Variants in RGS5 observed in about 807,000 individuals in gnomAD.
RGS5 encodes regulator of G protein signaling 5, also known as regulator of G-protein signalling 5.
Under a neutral mutation model 18.9 loss-of-function variants are expected in RGS5, and 20 were observed. The observed-to-expected ratio is 1.06, with a 90% CI of 0.74 to 1.54. The LOEUF is 1.54. Ranked by LOEUF, RGS5 falls within the 40% of genes most tolerant of loss-of-function variation. The probability of loss-of-function intolerance (pLI) is 0.00; values close to 1 mark genes in which losing one functional copy is unlikely to be tolerated. For missense variants in RGS5, 201 were observed against 211.8 expected (o/e 0.95, Z 0.32); for synonymous variants, 57 against 76.2 (o/e 0.75, Z 1.31).
At chr1:163,302,211 C>T (rs1020303515) in intron 2 of RGS5, among the ~76,000 whole-genome samples, 4 of 151,978 alleles carry the variant, frequency 2.6e-5, no homozygotes, top group African/African-American at 9.7e-5. Flanking sequence ...TTAGTGAGCT[C>T]CCAAAATGTG....
At chr1:163,161,019 G>C (rs772172638) in intron 3 of RGS5, among the ~76,000 whole-genome samples, 1 of 152,168 alleles carries the variant, frequency 6.6e-6, no homozygotes, top group Non-Finnish European at 1.5e-5. Flanking sequence ...TAGAATAAAA[G>C]ATGTGCAGAC....
intron 2 of RGS5, among the ~76,000 whole-genome samples, chr1:163,253,828 CTG>C (rs1304638311): frequency 1.4e-5 from 2 of 147,670 alleles, no homozygotes; most frequent in Non-Finnish European, 3.0e-5. Flanking sequence ...TGTCCCCAGA[CTG>C]TGATGTTCCC....
chr1:163,224,878 T>G (rs1351064023), intron 2 of RGS5, among the ~76,000 whole-genome samples: 1 of 151,428 alleles, frequency 6.6e-6, no homozygotes, highest in Admixed American at 6.6e-5. Context: ...GCCATCAGAC[T>G]TTTTTTTTGT....
chr1:163,315,279 G>A (rs997459642), intron 1 of RGS5, among the ~76,000 whole-genome samples: 2 of 152,122 alleles, frequency 1.3e-5, no homozygotes, highest in African/African-American at 2.4e-5. Context: ...AAGTTAGGCC[G>A]GGTATGTTGG....
chr1:163,296,677 G>A (rs1307979085), intron 2 of RGS5, among the ~76,000 whole-genome samples: 1 of 152,002 alleles, frequency 6.6e-6, no homozygotes, highest in East Asian at 1.9e-4. Flanking sequence ...TTTTCCTTTT[G>A]TTTACATTAA....
chr1:163,178,411 G>T (rs185275780), intron 1 of RGS5, among the ~76,000 whole-genome samples: 42 of 152,158 alleles, frequency 2.8e-4, no homozygotes, highest in Admixed American at 2.0e-3. Context: ...CAGAGGACAG[G>T]GATTTAGGGT....
chr1:163,306,542 T>C (rs1402551084), intron 1 of RGS5, among the ~76,000 whole-genome samples: 1 of 152,224 alleles, frequency 6.6e-6, no homozygotes, highest in African/African-American at 2.4e-5. Flanking sequence ...CTCATGATGC[T>C]GTGAGCCATG....
intron 3 of RGS5, among the ~76,000 whole-genome samples, chr1:163,157,967 C>T (rs1657654997): frequency 6.6e-6 from 1 of 152,140 alleles, no homozygotes; most frequent in African/African-American, 2.4e-5. Flanking sequence ...TATGAGCCAC[C>T]ACACTTGGCC....
At chr1:163,151,529 G>A (rs1657374626) in intron 4 of RGS5, among the ~76,000 whole-genome samples, 1 of 152,128 alleles carries the variant, frequency 6.6e-6, no homozygotes, top group Non-Finnish European at 1.5e-5. Flanking sequence ...CACATGTCAA[G>A]GGCAGGACCA....
chr1:163,264,845 C>A (rs536441487), intron 2 of RGS5, among the ~76,000 whole-genome samples: 1 of 152,196 alleles, frequency 6.6e-6, no homozygotes, highest in East Asian at 1.9e-4. Context: ...CTGATGACTT[C>A]TTTTTCTAGC....
chr1:163,159,711 A>G (rs1218817802), intron 3 of RGS5, among the ~76,000 whole-genome samples: 1 of 152,216 alleles, frequency 6.6e-6, no homozygotes, highest in Non-Finnish European at 1.5e-5. Flanking sequence ...CCCAGGTCTT[A>G]AAAATATTAA....
At chr1:163,184,473 C>A (rs1658988185) in intron 1 of RGS5, among the ~76,000 whole-genome samples, 1 of 150,860 alleles carries the variant, frequency 6.6e-6, no homozygotes, top group Non-Finnish European at 1.5e-5. Flanking sequence ...GAAGAGTTAG[C>A]AAGGCATAGA....
At chr1:163,287,441 C>G (rs956929227) in intron 2 of RGS5, among the ~76,000 whole-genome samples, 2 of 152,178 alleles carry the variant, frequency 1.3e-5, no homozygotes, top group African/African-American at 4.8e-5. Flanking sequence ...TCACCATGAG[C>G]TTTTAGGACC....
Position 163,240,483 on chromosome 1 carries a change from G to A in RGS5, c.-281+65750C>T, listed in dbSNP as rs1449954825. ...CAGGAGGCAGGGTGGAGATTGACTG[G>A]AAGTGGAAATGAAGGAACTCTTAGG... On this transcript the variant is annotated intron_variant, in intron 2 of 5. Coordinates refer to the RGS5 transcript ENST00000618415. Among the ~76,000 whole-genome samples the A allele has an allele frequency of 3.9e-5, 6 of 152,012 alleles. No homozygotes were observed. The East Asian group carries it at 5.8e-4, about 15-fold the overall frequency.
chr1:163,310,109 G>C (rs1006699111), intron 1 of RGS5, among the ~76,000 whole-genome samples: 6 of 152,188 alleles, frequency 3.9e-5, no homozygotes, highest in Admixed American at 3.3e-4. Flanking sequence ...AGGATTTGTT[G>C]TTCCATTGAC....
intron 2 of RGS5, among the ~76,000 whole-genome samples, chr1:163,258,645 CTGTG>C (rs113301415): frequency 0.032 from 4,683 of 148,356 alleles, 89 homozygotes; most frequent in African/African-American, 0.048. Context: ...GTAAGTGTGT[CTGTG>C]TGTGTGTGTG....
intron 4 of RGS5, among the ~76,000 whole-genome samples, chr1:163,151,987 T>G (rs1476730641): frequency 6.6e-6 from 1 of 152,128 alleles, no homozygotes; most frequent in Non-Finnish European, 1.5e-5. Context: ...ACATATAACA[T>G]GAAGGTAATT....
chr1:163,208,243 G>A (rs1317072131), intron 1 of RGS5, among the ~76,000 whole-genome samples: 1 of 125,698 alleles, frequency 8.0e-6, no homozygotes, highest in African/African-American at 3.2e-5. Flanking sequence ...AGCTACTCCG[G>A]AGGCTGAGGC....
chr1:163,232,360 T>C (rs1259428119), intron 2 of RGS5, among the ~76,000 whole-genome samples: 2 of 152,202 alleles, frequency 1.3e-5, no homozygotes. Flanking sequence ...ATAATGTATA[T>C]CTGATATATT....
Sources: allele counts gnomAD v4.1 joint callset (sites outside exome capture counted in the v4.1 genomes callset), GRCh38; gene constraint gnomAD v4.1.1; transcripts MANE v1.5; gene names NCBI Gene and HGNC (gene_info 2026-07-23, HGNC 2026-07-21).